Variants in CBR4 observed in about 807,000 individuals in gnomAD.
CBR4 encodes 3-oxoacyl-[acyl-carrier-protein] reductase.
Under a neutral mutation model 21.0 loss-of-function variants are expected in CBR4, and 22 were observed. The observed-to-expected ratio is 1.05, with a 90% CI of 0.75 to 1.50. CBR4 has a LOEUF of 1.50. CBR4 is among the 40% of genes most tolerant of loss of function. CBR4 has a pLI of 0.00. For missense variants in CBR4, 302 were observed against 286.3 expected, an observed-to-expected ratio of 1.05 and a Z score of -0.40; for synonymous variants, 100 against 104.4, an observed-to-expected ratio of 0.96 and a Z score of 0.26.
intron 2 of CBR4, among the ~76,000 whole-genome samples, chr4:168,964,267 T>C (rs1763952470): frequency 6.6e-6 from 1 of 152,226 alleles, no homozygotes; most frequent in Non-Finnish European, 1.5e-5. Flanking sequence ...GGTCTGAGTA[T>C]GCATATGTTC....
At chr4:168,928,397 C>A in intron 2 of CBR4, 1 of 181,006 alleles carries the variant, frequency 5.5e-6, no homozygotes. Context: ...GATTTAACAT[C>A]AATAAATATT....
chr4:168,904,210 A>C (rs926131389), intron 2 of CBR4: 1 of 335,468 alleles, frequency 3.0e-6, no homozygotes, highest in Admixed American at 4.0e-5. Context: ...CTATGGTAAA[A>C]AATAAGCAAT....
intron 2 of CBR4, among the ~76,000 whole-genome samples, chr4:168,901,929 C>T (rs189335250): frequency 6.2e-4 from 95 of 152,304 alleles, no homozygotes; most frequent in African/African-American, 1.8e-3. Flanking sequence ...TTAAGTTTTA[C>T]AACTCAAAGT....
intron 2 of CBR4, among the ~76,000 whole-genome samples, chr4:168,975,617 G>A (rs1242079380): frequency 6.6e-6 from 1 of 152,146 alleles, no homozygotes; most frequent in African/African-American, 2.4e-5. Context: ...GAGTACTCAG[G>A]TTTCTTGGGT....
intron 2 of CBR4, among the ~76,000 whole-genome samples, chr4:168,960,900 T>C (rs1183950756): frequency 6.6e-6 from 1 of 152,210 alleles, no homozygotes; most frequent in Non-Finnish European, 1.5e-5. Flanking sequence ...AACACAACTC[T>C]ATAAGCACAA....
chr4:168,924,280 GTTTATT>G, intron 2 of CBR4: 1 of 1,614,006 alleles, frequency 6.2e-7, no homozygotes, highest in Non-Finnish European at 8.5e-7. Context: ...AACCCCCTGT[GTTTATT>G]GAGAAGCTCC....
chr4:168,902,648 C>CCAAAA (rs1453398775), intron 2 of CBR4, among the ~76,000 whole-genome samples: 2 of 151,964 alleles, frequency 1.3e-5, no homozygotes, highest in African/African-American at 4.8e-5. Context: ...GACCCTGTCT[C>CCAAAA]CAAAACAAAA....
At chr4:168,936,179 C>A (rs555674550) in intron 2 of CBR4, among the ~76,000 whole-genome samples, 14 of 152,312 alleles carry the variant, frequency 9.2e-5, no homozygotes, top group African/African-American at 3.1e-4. Flanking sequence ...AGCAGACCTG[C>A]AGTAGAGGGC....
intron 2 of CBR4, among the ~76,000 whole-genome samples, chr4:168,925,861 C>CTATAAT (rs1172514367): frequency 6.6e-6 from 1 of 151,910 alleles, no homozygotes; most frequent in East Asian, 1.9e-4. Flanking sequence ...TTCCTAAGTG[C>CTATAAT]TATAATTATT....
At position 168,928,341 on chromosome 4, in the gene CBR4, TATCA is replaced by T. The variant is rs71719276; in HGVS notation, n.170-33580_170-33577del. 0.16 allele frequency: 28,757 copies of T among 182,402 alleles called. 2,808 individuals carry two copies. Among genetic ancestry groups the T allele is most frequent in the African/African-American group, 0.29 (12,336 of 42,432 alleles). 11.3% of individuals were successfully genotyped at this position (182,402 alleles called of 1,614,324 possible). A position where few individuals can be genotyped will look rare whatever the true frequency, so the allele number is the denominator to read the frequency against. On this transcript the variant is annotated intron_variant and non_coding_transcript_variant, in intron 2 of 3. Transcript: ENST00000509108. ...ATTGTATTTATAAAAAAAAAAGTAC[TATCA>T]ATCAATCATACTACTTTGGATTGTT...
intron 2 of CBR4, among the ~76,000 whole-genome samples, chr4:168,935,724 T>C (rs1018143342): frequency 3.3e-5 from 5 of 152,180 alleles, no homozygotes; most frequent in African/African-American, 7.2e-5. Context: ...TCCTCCTCTC[T>C]GGGCAGGGAA....
At chr4:168,946,385 G>A (rs1361717350) in intron 2 of CBR4, among the ~76,000 whole-genome samples, 1 of 152,138 alleles carries the variant, frequency 6.6e-6, no homozygotes, top group Non-Finnish European at 1.5e-5. Flanking sequence ...GCCTGAGCAA[G>A]GTCAAATCTA....
chr4:169,007,373 A>C (rs1730992976), intron 2 of CBR4, among the ~76,000 whole-genome samples: 1 of 152,230 alleles, frequency 6.6e-6, no homozygotes. Context: ...AGTATTGAGA[A>C]GACACTACCT....
rs1263949242 is a variant in CBR4 at position 168,989,539 on chromosome 4, G to C, written c.*611C>G. On this transcript the variant is annotated 3_prime_UTR_variant, in exon 5 of 5. Coordinates refer to ENST00000306193, the MANE Select transcript of CBR4 (RefSeq NM_032783.5). Reference sequence around the variant, plus strand: ...CTGATCACCCAAGCACATGCAAAAGGAATATAGTTATCTTTAGTGGGCTTG... The same window carrying C: ...CTGATCACCCAAGCACATGCAAAAGCAATATAGTTATCTTTAGTGGGCTTG... 4.1e-6 allele frequency: 4 copies of C among 985,266 alleles called. No homozygotes were observed. Among genetic ancestry groups the C allele is most frequent in the Non-Finnish European group, 4.8e-6 (4 of 829,924 alleles). 61.0% of individuals were successfully genotyped at this position (985,266 alleles called of 1,614,324 possible). A position where few individuals can be genotyped will look rare whatever the true frequency, so the allele number is the denominator to read the frequency against.
intron 2 of CBR4, among the ~76,000 whole-genome samples, chr4:168,923,895 T>A (rs986880014): frequency 6.7e-6 from 1 of 149,422 alleles, no homozygotes; most frequent in Admixed American, 6.8e-5. Flanking sequence ...GTGGCAGTAG[T>A]TGGTTGAGGC....
chr4:168,947,249 T>A (rs1301619164), intron 2 of CBR4, among the ~76,000 whole-genome samples: 2 of 152,170 alleles, frequency 1.3e-5, no homozygotes, highest in Admixed American at 1.3e-4. Context: ...GTCTAAAAAT[T>A]CCTTCCCATC....
rs1730941997 is a variant in CBR4 at position 169,006,788 on chromosome 4, T to C, written c.367A>G (p.Ile123Val). 4.3e-6 allele frequency: 7 copies of C among 1,614,024 alleles called. No homozygotes were observed. Among genetic ancestry groups the C allele is most frequent in the Non-Finnish European group, 5.9e-6 (7 of 1,179,864 alleles). Reference protein sequence around the residue: ...LTCKAAMRTMIQQQGGSIVNV... With the variant: ...LTCKAAMRTMVQQQGGSIVNV... ...ACAATAGACCCTCCCTGTTGTTGAA[T>C]CATAGTCCTCATGGCAGCTTTACAG... The change falls in exon 3 of 5, where the codon ATT (isoleucine) becomes GTT (valine). Residue 123 changes from isoleucine (I) to valine (V), a missense_variant. Physicochemically the swap from Ile to Val is conservative, Grantham distance 29. Coordinates refer to ENST00000306193, the MANE Select transcript of CBR4 (RefSeq NM_032783.5).
At chr4:168,932,489 A>G (rs1164933456) in intron 2 of CBR4, among the ~76,000 whole-genome samples, 1 of 152,188 alleles carries the variant, frequency 6.6e-6, no homozygotes, top group Non-Finnish European at 1.5e-5. Flanking sequence ...GAAGAGAAGG[A>G]AAAAGGTATA....
intron 3 of CBR4, among the ~76,000 whole-genome samples, chr4:169,003,960 G>A (rs1043862861): frequency 6.6e-6 from 1 of 152,132 alleles, no homozygotes; most frequent in African/African-American, 2.4e-5. Context: ...TGGGGGAAGC[G>A]GGGAGGGATA....
Sources: gnomAD v4.1 joint callset for allele counts (sites outside exome capture counted in the v4.1 genomes callset) on GRCh38, gnomAD v4.1.1 for gene constraint, MANE v1.5 for transcripts, NCBI Gene and HGNC (gene_info 2026-07-23, HGNC 2026-07-21) for gene names.